Variants in STK39 observed in about 807,000 individuals in gnomAD.
STK39 encodes the protein serine/threonine kinase 39.
In STK39, 20 loss-of-function variants were observed where a neutral mutation model predicts 77.8. That is an observed-to-expected ratio of 0.26 (90% CI 0.18 to 0.37). The LOEUF (loss-of-function observed/expected upper bound fraction) is 0.37, where lower values mean the gene tolerates loss of function less well. Among genes scored for constraint, STK39 ranks in the 10% least tolerant of loss-of-function variants. The probability of loss-of-function intolerance (pLI) is 1.00; values close to 1 mark genes in which losing one functional copy is unlikely to be tolerated. For synonymous variants in STK39, 246 were observed against 234.1 expected (o/e 1.05, Z -0.47); for missense variants, 479 against 656.5 (o/e 0.73, Z 2.95).
chr2:168,146,508 GA>G (rs1688144628), intron 5 of STK39, among the ~76,000 whole-genome samples: 4 of 152,146 alleles, frequency 2.6e-5, no homozygotes, highest in Admixed American at 2.0e-4. Flanking sequence ...TGGGAGTCTG[GA>G]GCAATAGGAG....
At chr2:168,140,797 A>G (rs1289580552) in intron 5 of STK39, 39 bp from the exon 6 acceptor site, 1 of 1,489,868 alleles carries the variant, frequency 6.7e-7, no homozygotes, top group African/African-American at 1.4e-5. Flanking sequence ...TTTATGTAAG[A>G]CATTATTGCT....
chr2:168,111,093 AT>A (rs1359405586), intron 10 of STK39, among the ~76,000 whole-genome samples: 1 of 152,024 alleles, frequency 6.6e-6, no homozygotes, highest in African/African-American at 2.4e-5. Flanking sequence ...GGTAAGTTAT[AT>A]TTTTCTTAAA....
chr2:168,085,957 CTG>C (rs1013241865), intron 10 of STK39, among the ~76,000 whole-genome samples: 1 of 152,202 alleles, frequency 6.6e-6, no homozygotes, highest in African/African-American at 2.4e-5. Flanking sequence ...GACCCCTGTG[CTG>C]TGAGGTAGCC....
At chr2:168,195,217 T>A (rs572662997) in intron 1 of STK39, among the ~76,000 whole-genome samples, 27 of 152,254 alleles carry the variant, frequency 1.8e-4, no homozygotes, top group Non-Finnish European at 3.2e-4. Flanking sequence ...GGCAACAAAA[T>A]GAGACCCCGT....
At chr2:168,076,884 A>G (rs1455218642) in intron 10 of STK39, among the ~76,000 whole-genome samples, 1 of 152,212 alleles carries the variant, frequency 6.6e-6, no homozygotes, top group Non-Finnish European at 1.5e-5. Context: ...AAAGTACTAT[A>G]GAAAAAATGC....
intron 1 of STK39, among the ~76,000 whole-genome samples, chr2:168,219,421 G>A (rs916407276): frequency 5.3e-5 from 8 of 152,090 alleles, no homozygotes; most frequent in African/African-American, 1.2e-4. Flanking sequence ...TACCCTGGAC[G>A]GAAGAGGTCT....
At chr2:168,159,683 C>T (rs1177170914) in intron 5 of STK39, among the ~76,000 whole-genome samples, 1 of 152,168 alleles carries the variant, frequency 6.6e-6, no homozygotes, top group Non-Finnish European at 1.5e-5. Flanking sequence ...GATGCAGAAG[C>T]TGTACATTTA....
intron 5 of STK39, among the ~76,000 whole-genome samples, chr2:168,145,992 T>C (rs1052285826): frequency 5.9e-5 from 9 of 152,318 alleles, no homozygotes; most frequent in African/African-American, 2.2e-4. Context: ...TAAAATATTT[T>C]AGATATACTC....
intron 14 of STK39, among the ~76,000 whole-genome samples, chr2:168,020,038 C>A (rs1474849060): frequency 1.3e-5 from 2 of 152,146 alleles, no homozygotes; most frequent in Non-Finnish European, 2.9e-5. Flanking sequence ...GTCACCACTG[C>A]ACATTTACAT....
In STK39 at chr2:168,161,719, T is replaced by A. The variant is rs1286511803; in HGVS notation, c.628+68A>T. 3 of 1,122,350 alleles carry A rather than the reference T, an allele frequency of 2.7e-6. No homozygotes were observed. In the African/African-American group the frequency reaches 4.7e-5, roughly 18 times the overall value. 69.5% of individuals were successfully genotyped at this position (1,122,350 alleles called of 1,614,324 possible). On this transcript the variant is annotated intron_variant, in intron 5 of 17. Transcript: ENST00000355999. Reference sequence around the variant, plus strand: ...GCATTTATTCATTTCTCAGGAATGATTCTACATTCCTTGAAACTGTAACAC... The same window carrying A: ...GCATTTATTCATTTCTCAGGAATGAATCTACATTCCTTGAAACTGTAACAC...
intron 1 of STK39, among the ~76,000 whole-genome samples, chr2:168,197,269 G>A (rs1455017721): frequency 6.6e-6 from 1 of 152,194 alleles, no homozygotes; most frequent in African/African-American, 2.4e-5. Context: ...TGCAAAGGAG[G>A]AGACATTTAG....
chr2:168,062,537 G>C (rs1478736187), intron 14 of STK39, among the ~76,000 whole-genome samples: 3 of 152,148 alleles, frequency 2.0e-5, no homozygotes, highest in Non-Finnish European at 4.4e-5. Context: ...GACTATAAAT[G>C]ACCATCAGAA....
At chr2:168,095,656 T>C (rs1471233601) in intron 10 of STK39, among the ~76,000 whole-genome samples, 2 of 139,504 alleles carry the variant, frequency 1.4e-5, no homozygotes, top group African/African-American at 5.4e-5. Context: ...AGACGGAGTC[T>C]TGCTCTGTCG....
intron 16 of STK39, among the ~76,000 whole-genome samples, chr2:167,969,481 G>C (rs1692263057): frequency 6.6e-6 from 1 of 152,028 alleles, no homozygotes; most frequent in Non-Finnish European, 1.5e-5. Flanking sequence ...AATCCTCCCA[G>C]GAAAGGTTCC....
At chr2:168,088,740 A>G (rs1686436918) in intron 10 of STK39, among the ~76,000 whole-genome samples, 1 of 152,194 alleles carries the variant, frequency 6.6e-6, no homozygotes, top group African/African-American at 2.4e-5. Flanking sequence ...ATATGTTCGT[A>G]TATGCACATA....
At chr2:168,209,741 G>C (rs1404454219) in intron 1 of STK39, among the ~76,000 whole-genome samples, 1 of 152,170 alleles carries the variant, frequency 6.6e-6, no homozygotes, top group Non-Finnish European at 1.5e-5. Context: ...GCTCACGCCT[G>C]TAATCCCAAC....
In STK39 at chr2:168,056,602, C is replaced by T. The variant is rs142829103; in HGVS notation, c.1376+6898G>A. On this transcript the variant is annotated intron_variant, in intron 14 of 17. Coordinates refer to ENST00000355999, the MANE Select transcript of STK39 (RefSeq NM_013233.3). ...TGCAAGCATACTACTTCCCAATACC[C>T]GGCAGCCACGCATCACATTGAGGAG... 1.4e-4 allele frequency among the ~76,000 whole-genome samples: 21 copies of T among 152,202 alleles called. 1 individual carries two copies. In the South Asian group the frequency reaches 1.9e-3, roughly 14 times the overall value.
rs188750064 is a variant in STK39, at chr2:168,140,192, G to A, written c.840+97C>T. The A allele has an allele frequency of 6.2e-4, 648 of 1,043,056 alleles. 5 individuals carry two copies. The African/African-American group carries it at 8.7e-3, about 14-fold the overall frequency. The allele number at this position is 1,043,056 out of a possible 1,614,324, so 64.6% of individuals were successfully genotyped here. Reference sequence around the variant, plus strand: ...CTGCGTTCCTCCATTAATTCTCCTCGGGTCTAAGAGAAGAATGAAGATGTT... The same window carrying A: ...CTGCGTTCCTCCATTAATTCTCCTCAGGTCTAAGAGAAGAATGAAGATGTT... On this transcript the variant is annotated intron_variant, in intron 7 of 17. Coordinates refer to ENST00000355999, the MANE Select transcript of STK39 (RefSeq NM_013233.3).
At chr2:167,972,142 A>G (rs1282672682) in intron 16 of STK39, among the ~76,000 whole-genome samples, 1 of 152,230 alleles carries the variant, frequency 6.6e-6, no homozygotes, top group Admixed American at 6.5e-5. Context: ...AGGGAAAGGG[A>G]ACCCAGAAGC....
Sources: gnomAD v4.1 joint callset for allele counts (sites outside exome capture counted in the v4.1 genomes callset) on GRCh38, gnomAD v4.1.1 for gene constraint, MANE v1.5 for transcripts, NCBI Gene and HGNC (gene_info 2026-07-23, HGNC 2026-07-21) for gene names.